Variants in CCDC9B observed in about 807,000 individuals in gnomAD.
The protein encoded by CCDC9B is coiled-coil domain containing 9B, also known as coiled-coil domain-containing protein 9B.
Under a neutral mutation model 47.2 loss-of-function variants are expected in CCDC9B, and 40 were observed. The ratio of observed to expected loss-of-function variants is 0.85; its 90% CI spans 0.66 to 1.10. The LOEUF is 1.10. Among genes scored for constraint, CCDC9B ranks in the 50% least tolerant of loss-of-function variants. The pLI, the probability that CCDC9B is intolerant of heterozygous loss-of-function variation, is 0.00. For missense variants in CCDC9B, 662 were observed against 651.0 expected, an observed-to-expected ratio of 1.02 and a Z score of -0.18; for synonymous variants, 238 against 250.7, an observed-to-expected ratio of 0.95 and a Z score of 0.48.
Position 40,335,384 on chromosome 15 carries a change from G to T in CCDC9B, c.1247C>A (p.Pro416His). 1 of 1,613,208 alleles carries T rather than the reference G, an allele frequency of 6.2e-7. No homozygotes were observed. Among genetic ancestry groups the T allele is most frequent in the South Asian group, 1.1e-5 (1 of 91,084 alleles). ...AGCCTGGTGATTGCTCCACCCCAGG[G>T]GCTGCTGCTTAGAGCCCTCTGGCCA... The part of the protein sequence containing the change: ...VSWPEGSKQQ[P>H]LGWSNHQAEL... Residue 416 changes from proline (P) to histidine (H), a missense_variant, in exon 11 of 11, where the codon CCC (proline) becomes CAC (histidine). By Grantham distance (77) the Pro-to-His change is moderately conservative. Transcript: ENST00000397536.
intron 5 of CCDC9B, 179 bp from the exon 6 acceptor site, chr15:40,338,072 A>C: frequency 1.3e-6 from 1 of 745,042 alleles, no homozygotes; most frequent in Non-Finnish European, 2.4e-6. Flanking sequence ...GTTTTACATA[A>C]GTAATTTAAC....
In CCDC9B at chr15:40,335,431, C is replaced by T. The variant is rs1389903855; in HGVS notation, c.1200G>A (p.Gly400=). 3.1e-6 allele frequency: 5 copies of T among 1,611,670 alleles called. No individual in the cohort carries two copies. The highest frequency in any genetic ancestry group is 4.2e-6 in the Non-Finnish European group (5 of 1,179,298). Residue 400 remains glycine (G), a synonymous_variant, in exon 11 of 11, where the codon GGG becomes GGA. Coordinates refer to ENST00000397536, the MANE Select transcript of CCDC9B (RefSeq NM_207380.3). ...ESGCVLGLRP[G]AQESPVSWPE... ...GCCAAGACACAGGGCTCTCCTGGGC[C>T]CCAGGCCTCAGACCGAGCACACACC...
Position 40,340,828 on chromosome 15 carries a change from C to T in CCDC9B, c.-9G>A, listed in dbSNP as rs200033474. 497 of 1,609,404 alleles carry T rather than the reference C, an allele frequency of 3.1e-4. No individual in the cohort carries two copies. Among genetic ancestry groups the T allele is most frequent in the Non-Finnish European group, 2.6e-4 (306 of 1,178,506 alleles). On this transcript the variant is annotated 5_prime_UTR_variant, in exon 1 of 11. Transcript: ENST00000397536. ...CTCACAGCCGAGTGCATGGCAACGGCGGGCACCGAGAGAATTCCAGAGCAG... is the reference window on the plus strand; with the variant it reads ...CTCACAGCCGAGTGCATGGCAACGGTGGGCACCGAGAGAATTCCAGAGCAG...
At position 40,340,865 on chromosome 15, in the gene CCDC9B, C is replaced by A; in HGVS notation, c.-46G>T. On this transcript the variant is annotated 5_prime_UTR_variant, in exon 1 of 11. Coordinates refer to ENST00000397536, the MANE Select transcript of CCDC9B (RefSeq NM_207380.3). The stretch of plus-strand genomic sequence containing the variant: ...GAATTCCAGAGCAGCCCCTGGGGAG[C>A]CAGAGTGGGAGGAAAGCTGGAGCCA... 1 of 1,609,136 alleles carries A rather than the reference C, an allele frequency of 6.2e-7. No homozygotes were observed. Among genetic ancestry groups the A allele is most frequent in the East Asian group, 2.2e-5 (1 of 44,736 alleles).
At position 40,339,958 on chromosome 15, in the gene CCDC9B, G is replaced by C; in HGVS notation, c.70C>G (p.Arg24Gly). 1.2e-6 allele frequency: 2 copies of C among 1,613,884 alleles called. No individual in the cohort carries two copies. Among genetic ancestry groups the C allele is most frequent in the Non-Finnish European group, 8.5e-7 (1 of 1,179,946 alleles). Residue 24 changes from arginine to glycine, a missense_variant, in exon 2 of 11, where the codon CGG (arginine) becomes GGG (glycine). Physicochemically the swap from Arg to Gly is moderately radical, Grantham distance 125. Transcript: ENST00000397536. ...TTCTTGCGCAGGGCAACTATCCTCC[G>C]ATCCAGCTCTGCGTCCTTCTCCTGC... The part of the protein sequence containing the change: ...SRQEKDAELD[R>G]RIVALRKKNQ...
chr15:40,338,803 G>A lies in CCDC9B; in HGVS notation c.332C>T (p.Thr111Ile), dbSNP rs1218976131. 1 of 1,614,030 alleles carries A rather than the reference G, an allele frequency of 6.2e-7. No homozygotes were observed. Among genetic ancestry groups the A allele is most frequent in the Non-Finnish European group, 8.5e-7 (1 of 1,180,022 alleles). ...EDEDAEDHGG[T>I]FCLGELVELA... ...CTCCACCAGCTCCCCTAAGCAGAAAGTACCCCCGTGGTCCTCAGCATCCTC... is the reference window on the plus strand; with the variant it reads ...CTCCACCAGCTCCCCTAAGCAGAAAATACCCCCGTGGTCCTCAGCATCCTC... Residue 111 changes from threonine (T) to isoleucine (I), a missense_variant, in exon 4 of 11, where the codon ACT becomes ATT. By Grantham distance (89) the Thr-to-Ile change is moderately conservative (BLOSUM62 -1). Coordinates refer to ENST00000397536, the MANE Select transcript of CCDC9B (RefSeq NM_207380.3).
chr15:40,334,874 G>T lies in CCDC9B; in HGVS notation c.*284C>A. On this transcript the variant is annotated 3_prime_UTR_variant, in exon 11 of 11. Transcript: ENST00000397536. The stretch of plus-strand genomic sequence containing the variant: ...AGGCTTGTGGCCTGGGCAGCAGTAG[G>T]CCCAGGTCAGGGTGCACCAGCCTCA... 2 of 306,890 alleles carry T rather than the reference G, an allele frequency of 6.5e-6. No homozygotes were observed. The highest frequency in any genetic ancestry group is 1.2e-5 in the Non-Finnish European group (2 of 166,588). 19.0% of individuals were successfully genotyped at this position (306,890 alleles called of 1,614,324 possible). A position where few individuals can be genotyped will look rare whatever the true frequency, so the allele number is the denominator to read the frequency against.
Position 40,332,712 on chromosome 15 carries a change from A to G in CCDC9B, c.*2446T>C, listed in dbSNP as rs988656918. The G allele has an allele frequency of 2.0e-4, 30 of 152,178 alleles. No individual in the cohort carries two copies. Among genetic ancestry groups the G allele is most frequent in the African/African-American group, 7.2e-4 (30 of 41,426 alleles). The allele number at this position is 152,178 out of a possible 1,614,324, so 9.4% of individuals were successfully genotyped here. A position where few individuals can be genotyped will look rare whatever the true frequency, so the allele number is the denominator to read the frequency against. Reference sequence around the variant, plus strand: ...AATCTTATAATTCAGATTCTTGATCACAATCATTTTTGGAGACATCTGCCT... The same window carrying G: ...AATCTTATAATTCAGATTCTTGATCGCAATCATTTTTGGAGACATCTGCCT... On this transcript the variant is annotated 3_prime_UTR_variant, in exon 11 of 11. Coordinates refer to ENST00000397536, the MANE Select transcript of CCDC9B (RefSeq NM_207380.3).
chr15:40,335,783 C>T lies in CCDC9B; in HGVS notation c.930+1G>A. The T allele has an allele frequency of 1.2e-6, 2 of 1,611,100 alleles. No homozygotes were observed. Among genetic ancestry groups the T allele is most frequent in the Non-Finnish European group, 1.7e-6 (2 of 1,178,684 alleles). On this transcript the variant is annotated splice_donor_variant, in intron 10 of 10. Coordinates refer to ENST00000397536, the MANE Select transcript of CCDC9B (RefSeq NM_207380.3). LOFTEE classifies it high-confidence loss of function. ...GCCCCATCCTATACCCAAGTACCTA[C>T]CTCCTGACCTTCCAGCTCCTCCTTG...
At chr15:40,337,509 A>T in intron 6 of CCDC9B, 63 bp from the exon 7 acceptor site, 1 of 1,409,752 alleles carries the variant, frequency 7.1e-7, no homozygotes. Flanking sequence ...CCACCCTGAC[A>T]CCCCCCTCCC....
chr15:40,336,540 G>A lies in CCDC9B; in HGVS notation c.887+34C>T. On this transcript the variant is annotated intron_variant, in intron 9 of 10. Coordinates refer to ENST00000397536, the MANE Select transcript of CCDC9B (RefSeq NM_207380.3). ...GTCCAGGAAATTGGGACACCCACAT[G>A]CCCGTCTTGATTTTGTCCCCTGCCA... The A allele has an allele frequency of 1.9e-6, 3 of 1,604,558 alleles. No individual in the cohort carries two copies. In the South Asian group the frequency reaches 3.3e-5, roughly 18 times the overall value.
intron 3 of CCDC9B, 86 bp from the exon 4 acceptor site, chr15:40,338,989 G>A (rs764469852): frequency 6.1e-6 from 9 of 1,468,204 alleles, no homozygotes; most frequent in Non-Finnish European, 8.5e-6. Context: ...CCAGGCCTGG[G>A]TTCCAACCCC....
chr15:40,340,318 C>T (rs1889063286), intron 1 of CCDC9B: 6 of 411,616 alleles, frequency 1.5e-5, no homozygotes, highest in Non-Finnish European at 2.6e-5. Flanking sequence ...CCGAGCAGAG[C>T]CTGGAATGGG....
At position 40,334,904 on chromosome 15, in the gene CCDC9B, C is replaced by T. The variant is rs374965872; in HGVS notation, c.*254G>A. On this transcript the variant is annotated 3_prime_UTR_variant, in exon 11 of 11. Transcript: ENST00000397536. ...GGTCAGGGTGCACCAGCCTCAGATG[C>T]CAGATACTAGTACAGGAATACACCA... is the stretch of plus-strand genomic sequence containing the variant. The T allele has an allele frequency of 5.6e-6, 2 of 360,040 alleles. No individual in the cohort carries two copies. Among genetic ancestry groups the T allele is most frequent in the Non-Finnish European group, 5.0e-6 (1 of 200,280 alleles). 22.3% of individuals were successfully genotyped at this position (360,040 alleles called of 1,614,324 possible).
At chr15:40,336,403 C>A in intron 9 of CCDC9B, 171 bp downstream of exon 9, 3 of 985,450 alleles carry the variant, frequency 3.0e-6, no homozygotes, top group Non-Finnish European at 3.6e-6. Context: ...GCACCAGGCT[C>A]TCGCTGCAGC....
At chr15:40,336,453 A>T (rs1179158311) in intron 9 of CCDC9B, 121 bp downstream of exon 9, 48 of 1,458,196 alleles carry the variant, frequency 3.3e-5, no homozygotes, top group Non-Finnish European at 4.0e-5. Context: ...TTAACCTGCC[A>T]GGCAGCAGTC....
rs1262094619 is a variant in CCDC9B at position 40,332,068 on chromosome 15, T to G, written c.*3090A>C. On this transcript the variant is annotated 3_prime_UTR_variant, in exon 11 of 11. Transcript: ENST00000397536. ...CCTGTGCCTGGGCTCCTGGCAGCTG[T>G]GTTTCATGAAGACCCTCCACCTTTG... 1.3e-5 allele frequency: 2 copies of G among 152,218 alleles called. No individual in the cohort carries two copies. The highest frequency in any genetic ancestry group is 4.8e-5 in the African/African-American group (2 of 41,424). 9.4% of individuals were successfully genotyped at this position (152,218 alleles called of 1,614,324 possible). A position where few individuals can be genotyped will look rare whatever the true frequency, so the allele number is the denominator to read the frequency against.
At chr15:40,337,520 C>T (rs1402989416) in intron 6 of CCDC9B, 74 bp from the exon 7 acceptor site, 35 of 1,363,472 alleles carry the variant, frequency 2.6e-5, no homozygotes, top group South Asian at 4.2e-5. Flanking sequence ...CCCCCCTCCC[C>T]GAAGCCCAGG....
At chr15:40,337,139 G>C (rs1185593705) in intron 7 of CCDC9B, 1 of 636,936 alleles carries the variant, frequency 1.6e-6, no homozygotes, top group Non-Finnish European at 2.8e-6. Flanking sequence ...AAGAGACCCC[G>C]GGCCGGCTTC....
Sources: allele counts gnomAD v4.1 joint callset, GRCh38; gene constraint gnomAD v4.1.1; transcripts MANE v1.5; gene names NCBI Gene and HGNC (gene_info 2026-07-23, HGNC 2026-07-21).